The following CDH13 variants were observed in gnomAD, a reference collection of about 807,000 sequenced individuals.
CDH13 encodes the protein cadherin 13.
A neutral mutation model predicts 63.8 loss-of-function variants in CDH13; 24 were observed. The ratio of observed to expected loss-of-function variants is 0.38; its 90% confidence interval spans 0.27 to 0.53. The LOEUF (loss-of-function observed/expected upper bound fraction) is 0.53, where lower values mean the gene tolerates loss of function less well. Among genes scored for constraint, CDH13 ranks in the 20% least tolerant of loss-of-function variants. The pLI is 0.85. For missense variants in CDH13, 1,049 were observed against 903.1 expected (o/e 1.16, Z -2.07); for synonymous variants, 503 against 355.3 (o/e 1.42, Z -4.67).
intron 2 of CDH13, among the ~76,000 whole-genome samples, chr16:83,002,930 C>T (rs185555472): frequency 6.6e-6 from 1 of 152,198 alleles, no homozygotes; most frequent in African/African-American, 2.4e-5. Flanking sequence ...TAACACTTAT[C>T]TATTGAGCAT....
chr16:82,937,359 A>G (rs1210985527), intron 2 of CDH13, among the ~76,000 whole-genome samples: 2 of 150,922 alleles, frequency 1.3e-5, no homozygotes, highest in African/African-American at 4.9e-5. Context: ...AAATGAAGCT[A>G]TTTTTTCTTT....
At position 83,765,781 on chromosome 16, in the gene CDH13, C is replaced by CTTT. The variant is rs35694677; in HGVS notation, c.1682-14178_1682-14176dup. Among the ~76,000 whole-genome samples, 868 of 148,148 alleles carry CTTT rather than the reference C, an allele frequency of 5.9e-3. 2 individuals are homozygous for CTTT. Among genetic ancestry groups the CTTT allele is most frequent in the Non-Finnish European group, 0.01 (674 of 67,070 alleles). On this transcript the variant is annotated intron_variant, in intron 11 of 13. Coordinates refer to ENST00000567109, the MANE Select transcript of CDH13 (RefSeq NM_001257.5). Reference sequence around the variant, plus strand: ...AGACTCCTGGTTCACTTACAGCTTTCTTTTTTTTTTTCTATTTTTATCTTA... The same window carrying CTTT: ...AGACTCCTGGTTCACTTACAGCTTTCTTTTTTTTTTTTTTCTATTTTTATCTTA...
At chr16:83,466,094 C>G (rs567714756) in intron 6 of CDH13, among the ~76,000 whole-genome samples, 2 of 152,340 alleles carry the variant, frequency 1.3e-5, no homozygotes, top group Non-Finnish European at 2.9e-5. Context: ...ACCCCATGGT[C>G]AAGCAGCCCC....
chr16:83,582,082 T>C (rs367965137), intron 7 of CDH13, among the ~76,000 whole-genome samples: 9 of 152,262 alleles, frequency 5.9e-5, no homozygotes, highest in African/African-American at 1.4e-4. Flanking sequence ...CTTGAGTTTC[T>C]CTCCTGAACA....
chr16:83,323,294 A>T (rs2090282645), intron 5 of CDH13, among the ~76,000 whole-genome samples: 1 of 118,356 alleles, frequency 8.4e-6, no homozygotes, highest in Non-Finnish European at 1.8e-5. Flanking sequence ...TTTTTTTTTA[A>T]GAGGGAGTTT....
intron 4 of CDH13, among the ~76,000 whole-genome samples, chr16:83,206,587 C>T (rs929015530): frequency 6.6e-6 from 1 of 152,230 alleles, no homozygotes; most frequent in Non-Finnish European, 1.5e-5. Context: ...TTTGAGGAAT[C>T]ACTGTGTGCC....
chr16:83,702,945 G>A (rs950242289), intron 10 of CDH13, among the ~76,000 whole-genome samples: 1 of 152,220 alleles, frequency 6.6e-6, no homozygotes, highest in Non-Finnish European at 1.5e-5. Context: ...GGGCAGGGAT[G>A]AGCCAGGGCA....
At chr16:82,842,541 T>A (rs1296328720) in intron 1 of CDH13, among the ~76,000 whole-genome samples, 1 of 152,076 alleles carries the variant, frequency 6.6e-6, no homozygotes, top group African/African-American at 2.4e-5. Context: ...CCATGAGGAC[T>A]CAGTTAATTC....
At chr16:83,461,368 G>T (rs999573348) in intron 6 of CDH13, among the ~76,000 whole-genome samples, 5 of 152,102 alleles carry the variant, frequency 3.3e-5, no homozygotes, top group Non-Finnish European at 5.9e-5. Context: ...GGCTCATCCA[G>T]AGCAGGTGAG....
chr16:83,252,881 G>T (rs146746888), intron 5 of CDH13, among the ~76,000 whole-genome samples: 1 of 152,278 alleles, frequency 6.6e-6, no homozygotes, highest in East Asian at 1.9e-4. Context: ...GGACTCCTGA[G>T]TCAGAGCAAC....
intron 2 of CDH13, among the ~76,000 whole-genome samples, chr16:82,958,539 G>A (rs995375703): frequency 6.6e-6 from 1 of 152,222 alleles, no homozygotes; most frequent in African/African-American, 2.4e-5. Context: ...CACAGTCGGG[G>A]AGGAGAGGGC....
intron 5 of CDH13, among the ~76,000 whole-genome samples, chr16:83,301,024 GGTTTT>G (rs2089722039): frequency 1.9e-5 from 1 of 53,946 alleles, no homozygotes; most frequent in African/African-American, 6.7e-5. Context: ...AACTTTCTGG[GGTTTT>G]TTTTTTTTTT....
chr16:82,931,487 C>A (rs778500491), intron 2 of CDH13, among the ~76,000 whole-genome samples: 1 of 150,076 alleles, frequency 6.7e-6, no homozygotes, highest in Non-Finnish European at 1.5e-5. Context: ...AGTGGGGAAG[C>A]TAGAATTGGA....
intron 5 of CDH13, among the ~76,000 whole-genome samples, chr16:83,290,654 C>T (rs2089443962): frequency 1.3e-5 from 2 of 152,118 alleles, no homozygotes; most frequent in African/African-American, 2.4e-5. Context: ...TCCCTCTTAT[C>T]GAATGACTTC....
intron 5 of CDH13, among the ~76,000 whole-genome samples, chr16:83,341,074 G>C (rs2090710798): frequency 6.6e-6 from 1 of 152,138 alleles, no homozygotes; most frequent in African/African-American, 2.4e-5. Context: ...TTTCTACCAA[G>C]TGGCATCTCA....
intron 13 of CDH13, among the ~76,000 whole-genome samples, chr16:83,794,068 G>C (rs1490723685): frequency 6.6e-6 from 1 of 152,184 alleles, no homozygotes; most frequent in Non-Finnish European, 1.5e-5. Flanking sequence ...GCAACCCTTA[G>C]AGGCCAGGAA....
At chr16:83,755,877 A>T (rs1025143883) in intron 11 of CDH13, among the ~76,000 whole-genome samples, 1 of 152,222 alleles carries the variant, frequency 6.6e-6, no homozygotes, top group South Asian at 2.1e-4. Context: ...AAAAATAGAA[A>T]GTTAAATATG....
intron 7 of CDH13, among the ~76,000 whole-genome samples, chr16:83,563,890 G>A (rs762460369): frequency 6.6e-5 from 10 of 152,062 alleles, no homozygotes; most frequent in East Asian, 1.9e-4. Context: ...TGTTTATTCC[G>A]TGAAGTTACT....
chr16:83,600,292 G>T (rs1188786073), intron 7 of CDH13, among the ~76,000 whole-genome samples: 3 of 152,112 alleles, frequency 2.0e-5, no homozygotes, highest in Admixed American at 6.5e-5. Flanking sequence ...AATTGAAACC[G>T]AAACATGAGG....
Sources: allele counts gnomAD v4.1 joint callset (sites outside exome capture counted in the v4.1 genomes callset), GRCh38; gene constraint gnomAD v4.1.1; transcripts MANE v1.5; gene names NCBI Gene and HGNC (gene_info 2026-07-23, HGNC 2026-07-21).